The following PARD3 variants were observed in gnomAD, a reference collection of about 807,000 sequenced individuals.
PARD3 encodes the protein partitioning defective 3 homolog.
Under a neutral mutation model 155.4 loss-of-function variants are expected in PARD3, and 75 were observed. The ratio of observed to expected loss-of-function variants is 0.48; its 90% CI spans 0.40 to 0.58. The LOEUF (loss-of-function observed/expected upper bound fraction) is 0.58. Ranked by LOEUF, PARD3 falls within the 20% of genes least tolerant of loss-of-function variation. The probability of loss-of-function intolerance (pLI) is 0.00; values close to 1 mark genes in which losing one functional copy is unlikely to be tolerated. For missense variants in PARD3, 1,642 were observed against 1,721.7 expected, an observed-to-expected ratio of 0.95 and a Z score of 0.82; for synonymous variants, 576 against 610.5, an observed-to-expected ratio of 0.94 and a Z score of 0.83.
chr10:34,778,168 T>C (rs1232344011), intron 1 of PARD3, among the ~76,000 whole-genome samples: 4 of 152,222 alleles, frequency 2.6e-5, no homozygotes, highest in Admixed American at 6.5e-5. Flanking sequence ...TCACTTATAG[T>C]ACCTAATACA....
At chr10:34,755,091 G>C (rs1391863614) in intron 1 of PARD3, among the ~76,000 whole-genome samples, 1 of 142,118 alleles carries the variant, frequency 7.0e-6, no homozygotes, top group East Asian at 1.9e-4. Flanking sequence ...AAGGATGACT[G>C]ACAGCTTCAA....
chr10:34,536,579 T>C lies in PARD3; in HGVS notation c.223-19420A>G, dbSNP rs1186996638. 5.3e-5 allele frequency among the ~76,000 whole-genome samples: 8 copies of C among 152,236 alleles called. No homozygotes were observed. In the East Asian group the frequency reaches 1.5e-3, roughly 29 times the overall value. On this transcript the variant is annotated intron_variant, in intron 2 of 24. Transcript: ENST00000374788. ...ACTATTTAAAACCTATATAAAGATA[T>C]TACAAGTACTGAATCATTATTTCCC...
At chr10:34,702,228 A>G (rs1326803358) in intron 1 of PARD3, among the ~76,000 whole-genome samples, 2 of 151,488 alleles carry the variant, frequency 1.3e-5, no homozygotes, top group African/African-American at 4.8e-5. Flanking sequence ...GATAGTGCAT[A>G]CCTGTAGTCC....
Position 34,472,189 on chromosome 10 carries a change from T to C in PARD3, c.404-1926A>G, listed in dbSNP as rs80265911. 5.2e-3 allele frequency among the ~76,000 whole-genome samples: 788 copies of C among 152,300 alleles called. 6 individuals are homozygous for C. The highest frequency in any genetic ancestry group is 0.018 in the African/African-American group (746 of 41,562). On this transcript the variant is annotated intron_variant, in intron 3 of 24. Transcript: ENST00000374788. ...GCAAAAATTTAGTCAACTCCAAATTTAATACTTTGGTGGCTATCTTAATGT... is the reference window on the plus strand; with the variant it reads ...GCAAAAATTTAGTCAACTCCAAATTCAATACTTTGGTGGCTATCTTAATGT...
At chr10:34,398,350 T>G (rs1208488245) in intron 7 of PARD3, among the ~76,000 whole-genome samples, 1 of 152,204 alleles carries the variant, frequency 6.6e-6, no homozygotes, top group African/African-American at 2.4e-5. Flanking sequence ...ATGCCTGTAA[T>G]TACTTGACAA....
At chr10:34,762,328 C>G (rs1427361800) in intron 1 of PARD3, among the ~76,000 whole-genome samples, 1 of 151,778 alleles carries the variant, frequency 6.6e-6, no homozygotes, top group Non-Finnish European at 1.5e-5. Context: ...GGGTCTCACT[C>G]TGTCGCCCAG....
At chr10:34,235,573 G>A (rs927670470) in intron 22 of PARD3, among the ~76,000 whole-genome samples, 3 of 152,062 alleles carry the variant, frequency 2.0e-5, no homozygotes, top group Non-Finnish European at 4.4e-5. Flanking sequence ...TTTATAAAAC[G>A]CCACATTAAC....
At chr10:34,117,436 G>A (rs1434616523) in intron 24 of PARD3, among the ~76,000 whole-genome samples, 1 of 152,188 alleles carries the variant, frequency 6.6e-6, no homozygotes, top group Non-Finnish European at 1.5e-5. Flanking sequence ...AGACTGGAGG[G>A]CAGTGGGGAG....
intron 2 of PARD3, among the ~76,000 whole-genome samples, chr10:34,577,876 G>A (rs1271183301): frequency 1.3e-5 from 2 of 151,522 alleles, no homozygotes; most frequent in Non-Finnish European, 2.9e-5. Flanking sequence ...AAACAGACAG[G>A]GGTCTCACTC....
chr10:34,177,412 GA>G (rs1406580512), intron 22 of PARD3, among the ~76,000 whole-genome samples: 2 of 152,022 alleles, frequency 1.3e-5, no homozygotes, highest in Admixed American at 1.3e-4. Context: ...GATGGAATAA[GA>G]TAAAAGATTA....
chr10:34,788,400 G>A (rs1454407373), intron 1 of PARD3, among the ~76,000 whole-genome samples: 3 of 150,616 alleles, frequency 2.0e-5, no homozygotes, highest in Non-Finnish European at 2.9e-5. Context: ...CACCACCACC[G>A]CATCTACCAC....
intron 5 of PARD3, among the ~76,000 whole-genome samples, chr10:34,441,380 G>T (rs759843590): frequency 1.7e-4 from 26 of 152,122 alleles, no homozygotes; most frequent in Non-Finnish European, 3.4e-4. Context: ...TGCCAAATGG[G>T]TATGATTTTC....
chr10:34,236,735 A>G (rs956471455), intron 22 of PARD3, among the ~76,000 whole-genome samples: 1 of 152,158 alleles, frequency 6.6e-6, no homozygotes, highest in African/African-American at 2.4e-5. Flanking sequence ...TTTTAGTGGG[A>G]TTCAATAAGA....
chr10:34,167,246 G>A (rs2133089950), intron 22 of PARD3, among the ~76,000 whole-genome samples: 1 of 152,190 alleles, frequency 6.6e-6, no homozygotes, highest in African/African-American at 2.4e-5. Flanking sequence ...CTATAATAAA[G>A]TATCCTTAGC....
intron 22 of PARD3, among the ~76,000 whole-genome samples, chr10:34,184,046 AG>A (rs1950380539): frequency 6.6e-6 from 1 of 152,116 alleles, no homozygotes; most frequent in Admixed American, 6.5e-5. Flanking sequence ...TCTAACTCCT[AG>A]GCTCAAGCAA....
chr10:34,585,069 C>T (rs1248812487), intron 2 of PARD3, among the ~76,000 whole-genome samples: 2 of 152,050 alleles, frequency 1.3e-5, no homozygotes, highest in African/African-American at 4.8e-5. Flanking sequence ...TAATATATTG[C>T]TTAGCTAATT....
chr10:34,227,881 T>TAC (rs1554814064), intron 22 of PARD3, among the ~76,000 whole-genome samples: 2 of 133,738 alleles, frequency 1.5e-5, no homozygotes, highest in Admixed American at 7.3e-5. Flanking sequence ...TATATATATA[T>TAC]ATACTGGGAA....
At chr10:34,579,566 G>GTGTGTGTGTGTGTGTGTA (rs2087224562) in intron 2 of PARD3, among the ~76,000 whole-genome samples, 3 of 135,610 alleles carry the variant, frequency 2.2e-5, no homozygotes, top group African/African-American at 6.2e-5. Flanking sequence ...GTGTGTGTGT[G>GTGTGTGTGTGTGTGTGTA]TGTGTGTGTG....
intron 6 of PARD3, among the ~76,000 whole-genome samples, chr10:34,400,240 T>C (rs1564670297): frequency 6.6e-6 from 1 of 152,218 alleles, no homozygotes; most frequent in Non-Finnish European, 1.5e-5. Context: ...GTATTCTGAG[T>C]AGCTGGGACT....
Sources: allele counts gnomAD v4.1 joint callset (sites outside exome capture counted in the v4.1 genomes callset), GRCh38; gene constraint gnomAD v4.1.1; transcripts MANE v1.5; gene names NCBI Gene and HGNC (gene_info 2026-07-23, HGNC 2026-07-21).